Variants in GRIK1 observed in about 807,000 individuals in gnomAD.
GRIK1 encodes glutamate receptor ionotropic, kainate 1.
In GRIK1, 69 loss-of-function variants were observed where a neutral mutation model predicts 105.7. The observed-to-expected ratio is 0.65, with a 90% CI of 0.54 to 0.80. The LOEUF (loss-of-function observed/expected upper bound fraction) is 0.80. Among genes scored for constraint, GRIK1 ranks in the 30% least tolerant of loss-of-function variants. The pLI, the probability that GRIK1 is intolerant of heterozygous loss-of-function variation, is 0.00. For missense variants in GRIK1, 1,109 were observed against 1,167.3 expected, an observed-to-expected ratio of 0.95 and a Z score of 0.73; for synonymous variants, 438 against 431.3, an observed-to-expected ratio of 1.02 and a Z score of -0.19.
At chr21:29,789,736 T>C (rs2066360463) in intron 1 of GRIK1, among the ~76,000 whole-genome samples, 1 of 152,172 alleles carries the variant, frequency 6.6e-6, no homozygotes, top group South Asian at 2.1e-4. Context: ...GTTTTGAATG[T>C]AGGAGAGATA....
At chr21:29,552,750 T>A (rs2090156019) in intron 16 of GRIK1, among the ~76,000 whole-genome samples, 1 of 152,076 alleles carries the variant, frequency 6.6e-6, no homozygotes, top group African/African-American at 2.4e-5. Flanking sequence ...AAGTACTATA[T>A]AGCTTGAAAA....
Position 29,648,699 on chromosome 21 carries a change from G to A in GRIK1, c.954+2419C>T, listed in dbSNP as rs115031445. On this transcript the variant is annotated intron_variant, in intron 6 of 17. Coordinates refer to ENST00000327783, the MANE Select transcript of GRIK1 (RefSeq NM_001330994.2). ...GAACAAACGAATCAAAATATAACACGTCAGGTCATAAGGGCTATGAAGAAA... is the reference window on the plus strand; with the variant it reads ...GAACAAACGAATCAAAATATAACACATCAGGTCATAAGGGCTATGAAGAAA... 4.1e-3 allele frequency among the ~76,000 whole-genome samples: 617 copies of A among 152,068 alleles called. 3 individuals carry two copies. The highest frequency in any genetic ancestry group is 0.014 in the African/African-American group (586 of 41,476).
intron 2 of GRIK1, 30 bp downstream of exon 2, chr21:29,693,866 A>C: frequency 1.9e-6 from 3 of 1,563,278 alleles, no homozygotes; most frequent in Non-Finnish European, 2.6e-6. Context: ...TATCACCCAA[A>C]GAAGCTTTTA....
At chr21:29,823,141 G>A (rs1008964585) in intron 1 of GRIK1, among the ~76,000 whole-genome samples, 3 of 151,842 alleles carry the variant, frequency 2.0e-5, no homozygotes, top group East Asian at 1.9e-4. Context: ...TAAAATATGC[G>A]AACATGAGAG....
intron 7 of GRIK1, among the ~76,000 whole-genome samples, chr21:29,604,847 G>GAA: frequency 6.6e-6 from 1 of 151,956 alleles, no homozygotes; most frequent in African/African-American, 2.4e-5. Context: ...GAATCAAGAG[G>GAA]TAAAAGAAGA....
chr21:29,850,368 C>T (rs1447959234), intron 1 of GRIK1, among the ~76,000 whole-genome samples: 1 of 152,048 alleles, frequency 6.6e-6, no homozygotes, highest in Non-Finnish European at 1.5e-5. Context: ...TCTATCTTTT[C>T]GATGTGTGGC....
intron 1 of GRIK1, among the ~76,000 whole-genome samples, chr21:29,892,815 G>A (rs931539044): frequency 6.6e-6 from 1 of 152,212 alleles, no homozygotes; most frequent in Non-Finnish European, 1.5e-5. Flanking sequence ...ATATTTGTAT[G>A]TGAACTCCAG....
intron 1 of GRIK1, among the ~76,000 whole-genome samples, chr21:29,805,502 T>C (rs560210461): frequency 2.0e-5 from 3 of 152,306 alleles, no homozygotes; most frequent in Non-Finnish European, 2.9e-5. Context: ...GTAATTTACC[T>C]GCCTTTTAAA....
At chr21:29,603,863 A>G (rs1027627562) in intron 7 of GRIK1, among the ~76,000 whole-genome samples, 66 of 152,194 alleles carry the variant, frequency 4.3e-4, no homozygotes, top group Non-Finnish European at 4.3e-4. Context: ...TACTGTTCCA[A>G]CTGTCCTCCT....
intron 1 of GRIK1, among the ~76,000 whole-genome samples, chr21:29,815,910 A>G (rs1020353742): frequency 2.1e-4 from 32 of 152,166 alleles, no homozygotes; most frequent in African/African-American, 7.7e-4. Context: ...TATGGCTAAG[A>G]TTGCAAAAGC....
chr21:29,848,772 TATA>T (rs1170194280), intron 1 of GRIK1, among the ~76,000 whole-genome samples: 51 of 101,604 alleles, frequency 5.0e-4, no homozygotes, highest in Admixed American at 1.6e-3. Context: ...TATATATATA[TATA>T]TATATTTTTT....
intron 11 of GRIK1, 89 bp downstream of exon 11, chr21:29,588,750 A>G (rs2061285365): frequency 1.2e-6 from 1 of 805,540 alleles, no homozygotes; most frequent in Non-Finnish European, 2.1e-6. Flanking sequence ...ACGATTCAAA[A>G]AAAGGAAACA....
At chr21:29,883,202 G>C (rs1447953247) in intron 1 of GRIK1, among the ~76,000 whole-genome samples, 1 of 152,010 alleles carries the variant, frequency 6.6e-6, no homozygotes, top group Non-Finnish European at 1.5e-5. Flanking sequence ...AAATGTATTT[G>C]TATATTCTAC....
intron 16 of GRIK1, among the ~76,000 whole-genome samples, chr21:29,545,998 C>T (rs922965836): frequency 1.3e-5 from 2 of 152,204 alleles, no homozygotes; most frequent in African/African-American, 4.8e-5. Flanking sequence ...TTCCAAGGGT[C>T]AGCTGGGATA....
Position 29,849,414 on chromosome 21 carries a change from A to C in GRIK1, c.118+89969T>G, listed in dbSNP as rs1478838515. ...GTTGATGATGAGATAAAATCAGTCGAGCATCCATCAATAGGGGAAAAGCTC... is the reference window on the plus strand; with the variant it reads ...GTTGATGATGAGATAAAATCAGTCGCGCATCCATCAATAGGGGAAAAGCTC... On this transcript the variant is annotated intron_variant, in intron 1 of 17. Transcript: ENST00000327783. Among the ~76,000 whole-genome samples, 3 of 152,230 alleles carry C rather than the reference A, an allele frequency of 2.0e-5. No homozygotes were observed. The South Asian group carries it at 6.2e-4, about 32-fold the overall frequency.
rs1168385961 is a variant in GRIK1, at chr21:29,939,485, G to C, written c.16C>G (p.Leu6Val). Residue 6 changes from leucine (L) to valine (V), a missense_variant, in exon 1 of 18, where the codon CTC becomes GTC. Leu to Val is a conservative substitution (Grantham distance 32, BLOSUM62 1). Around this residue, in one of 5 missense-constraint regions of GRIK1, gnomAD observed 612 missense variants for 586.0 expected, o/e 1.04. Transcript: ENST00000327783. ...GTCCAGAGCCCGGGCTGGGCGAGGA[G>C]TGTGCCGTGCTCCATCTTCCTAGCT... MEHGT[L>V]LAQPGLWTRD... The C allele has an allele frequency of 1.3e-6, 2 of 1,590,264 alleles. No homozygotes were observed. Among genetic ancestry groups the C allele is most frequent in the East Asian group, 2.4e-5 (1 of 42,464 alleles).
chr21:29,781,285 C>G (rs1004072872), intron 1 of GRIK1, among the ~76,000 whole-genome samples: 2 of 152,006 alleles, frequency 1.3e-5, no homozygotes, highest in Admixed American at 6.6e-5. Context: ...TTCCTAAAAC[C>G]TCCTTCCCTC....
At chr21:29,826,897 C>T (rs756623898) in intron 1 of GRIK1, among the ~76,000 whole-genome samples, 17 of 151,990 alleles carry the variant, frequency 1.1e-4, no homozygotes, top group Non-Finnish European at 2.1e-4. Flanking sequence ...GTATTATAAA[C>T]CTAAGCAACA....
chr21:29,897,070 T>C (rs1034081368), intron 1 of GRIK1, among the ~76,000 whole-genome samples: 2 of 152,206 alleles, frequency 1.3e-5, no homozygotes, highest in Non-Finnish European at 2.9e-5. Context: ...GATTACACAA[T>C]ACTTCATATA....
Sources: gnomAD v4.1 joint callset for allele counts (sites outside exome capture counted in the v4.1 genomes callset) on GRCh38, gnomAD v4.1.1 for gene constraint, gnomAD v4.1.1 regional missense constraint, MANE v1.5 for transcripts, NCBI Gene and HGNC (gene_info 2026-07-23, HGNC 2026-07-21) for gene names.